The following ADGRV1 variants were observed in gnomAD, a reference collection of about 807,000 sequenced individuals.
ADGRV1 encodes adhesion G protein-coupled receptor V1, also known as G-protein coupled receptor 98.
A neutral mutation model predicts 596.2 loss-of-function variants in ADGRV1; 359 were observed. The observed-to-expected ratio is 0.60, with a 90% confidence interval of 0.55 to 0.66. The LOEUF is 0.66. ADGRV1 is among the 30% of genes least tolerant of loss of function. ADGRV1 has a pLI of 0.00. For missense variants in ADGRV1, 7,274 were observed against 7,575.6 expected, an observed-to-expected ratio of 0.96 and a Z score of 1.48; for synonymous variants, 2,681 against 2,679.2, an observed-to-expected ratio of 1.00 and a Z score of -0.02.
chr5:90,809,094 C>T (rs1453022433), intron 73 of ADGRV1, among the ~76,000 whole-genome samples: 4 of 151,546 alleles, frequency 2.6e-5, no homozygotes, highest in African/African-American at 7.3e-5. Context: ...GTAGTTGGGA[C>T]GACAGGCACC....
chr5:90,998,328 T>A (rs546847835), intron 85 of ADGRV1, among the ~76,000 whole-genome samples: 2 of 151,742 alleles, frequency 1.3e-5, no homozygotes, highest in African/African-American at 4.8e-5. Flanking sequence ...TAAGCATTAT[T>A]TTTTTTTACA....
intron 83 of ADGRV1, among the ~76,000 whole-genome samples, chr5:90,893,706 G>A (rs1273161132): frequency 6.6e-6 from 1 of 152,100 alleles, no homozygotes; most frequent in Non-Finnish European, 1.5e-5. Context: ...CATCTTTATA[G>A]GTTAAACCTT....
At chr5:90,911,527 A>G (rs985176589) in intron 83 of ADGRV1, among the ~76,000 whole-genome samples, 1 of 152,246 alleles carries the variant, frequency 6.6e-6, no homozygotes, top group African/African-American at 2.4e-5. Context: ...TGTTTTACAT[A>G]CAGGTTTACC....
At chr5:90,927,391 G>A (rs1234142143) in intron 83 of ADGRV1, among the ~76,000 whole-genome samples, 2 of 152,090 alleles carry the variant, frequency 1.3e-5, no homozygotes, top group Non-Finnish European at 2.9e-5. Flanking sequence ...TTATGTAATG[G>A]CATTCTTTGT....
At position 90,681,443 on chromosome 5, in the gene ADGRV1, G is replaced by A; in HGVS notation, c.5653G>A (p.Val1885Ile). The A allele has an allele frequency of 1.2e-6, 2 of 1,610,222 alleles. No homozygotes were observed. The highest frequency in any genetic ancestry group is 1.7e-6 in the Non-Finnish European group (2 of 1,178,104). The change falls in exon 27 of 90, where the codon GTT (valine) becomes ATT (isoleucine). Residue 1885 changes from valine to isoleucine, a missense_variant. Val to Ile is a conservative substitution (Grantham distance 29, BLOSUM62 3). Coordinates refer to ENST00000405460, the MANE Select transcript of ADGRV1 (RefSeq NM_032119.4). ...TGAACCAGAAGATGGGTATAGCACT[G>A]TTACATTAAATGTGAGTACCTTTTC... ...GTEPEDGYST[V>I]TLNVIRHHGT...
chr5:90,683,870 GA>G lies in ADGRV1; in HGVS notation c.5954del (p.Asn1985ThrfsTer17). The G allele has an allele frequency of 6.2e-7, 1 of 1,613,320 alleles. No homozygotes were observed. ...CATATGGGATATTCATTTTTTCTGA[GA>G]AAAACAGACCTGTTAAAGTTGAGGA... is the stretch of plus-strand genomic sequence containing the variant. ...DPYGIFIFSE[K>X]NRPVKVEEAT... On this transcript the variant is annotated frameshift_variant, in exon 28 of 90. Transcript: ENST00000405460. LOFTEE classifies it high-confidence loss of function.
intron 1 of ADGRV1, among the ~76,000 whole-genome samples, chr5:90,565,991 C>A (rs1301198076): frequency 6.6e-6 from 1 of 151,858 alleles, no homozygotes; most frequent in Non-Finnish European, 1.5e-5. Flanking sequence ...GGTTTTTTGC[C>A]CATTTTAAAA....
At chr5:90,747,346 C>T (rs913369967) in intron 52 of ADGRV1, among the ~76,000 whole-genome samples, 1 of 152,050 alleles carries the variant, frequency 6.6e-6, no homozygotes, top group Non-Finnish European at 1.5e-5. Context: ...TCAGGGATCC[C>T]CATGACCACC....
intron 83 of ADGRV1, among the ~76,000 whole-genome samples, chr5:90,907,040 C>T (rs1017216554): frequency 2.6e-5 from 4 of 152,212 alleles, no homozygotes; most frequent in East Asian, 1.9e-4. Context: ...CTTAATTGCC[C>T]ATCTTTTCCA....
chr5:91,041,823 T>C (rs1242815222), intron 85 of ADGRV1, among the ~76,000 whole-genome samples: 1 of 152,112 alleles, frequency 6.6e-6, no homozygotes, highest in Non-Finnish European at 1.5e-5. Context: ...CATATCATCT[T>C]GAGACTCAAT....
At chr5:90,750,892 A>G (rs933714527) in intron 53 of ADGRV1, among the ~76,000 whole-genome samples, 195 bp downstream of exon 53, 12 of 152,192 alleles carry the variant, frequency 7.9e-5, no homozygotes, top group South Asian at 2.1e-4. Flanking sequence ...TTAAAAAAAT[A>G]TAAAACCAAA....
rs776299842 is a variant in ADGRV1 at position 90,675,227 on chromosome 5, C to T, written c.5111-16C>T. On this transcript the variant is annotated splice_polypyrimidine_tract_variant and intron_variant, in intron 23 of 89. Coordinates refer to ENST00000405460, the MANE Select transcript of ADGRV1 (RefSeq NM_032119.4). ...AGTTCATTGGGACAATGCCCTGGCC[C>T]CTTTGTCTCCACTAGGCTTGCTGCA... 1 of 1,608,200 alleles carries T rather than the reference C, an allele frequency of 6.2e-7. No individual in the cohort carries two copies. The highest frequency in any genetic ancestry group is 1.1e-5 in the South Asian group (1 of 90,512).
At chr5:91,052,653 C>G (rs1461282867) in intron 85 of ADGRV1, among the ~76,000 whole-genome samples, 1 of 151,990 alleles carries the variant, frequency 6.6e-6, no homozygotes, top group African/African-American at 2.4e-5. Context: ...AGGCTGGTCT[C>G]GAATTCCTGA....
At chr5:90,904,130 T>G (rs1214793281) in intron 83 of ADGRV1, among the ~76,000 whole-genome samples, 1 of 152,148 alleles carries the variant, frequency 6.6e-6, no homozygotes, top group Non-Finnish European at 1.5e-5. Context: ...CCATTGTGTA[T>G]GTGTACCACA....
chr5:90,697,151 G>T lies in ADGRV1; in HGVS notation c.8155+5G>T. 3.1e-6 allele frequency: 5 copies of T among 1,608,154 alleles called. No homozygotes were observed. Among genetic ancestry groups the T allele is most frequent in the Non-Finnish European group, 3.4e-6 (4 of 1,176,320 alleles). Reference sequence around the variant, plus strand: ...GATCTGTCATAGGTCATGAAGGTGGGTTCCTTTTTTTGTTAAGCATATTCA... The same window carrying T: ...GATCTGTCATAGGTCATGAAGGTGGTTTCCTTTTTTTGTTAAGCATATTCA... On this transcript the variant is annotated splice_donor_5th_base_variant and intron_variant, in intron 34 of 89. Transcript: ENST00000405460.
chr5:90,882,441 G>C (rs906103280), intron 83 of ADGRV1, among the ~76,000 whole-genome samples: 3 of 152,188 alleles, frequency 2.0e-5, no homozygotes, highest in Admixed American at 2.0e-4. Context: ...TACTGATGGA[G>C]CTGTAAATCT....
chr5:90,792,113 T>TG (rs1000294662), intron 70 of ADGRV1: 1 of 152,202 alleles, frequency 6.6e-6, no homozygotes, highest in Non-Finnish European at 1.5e-5. Context: ...GTAGACAGAT[T>TG]GGTGTCATCT....
At chr5:90,801,144 T>C (rs1457567233) in intron 70 of ADGRV1, among the ~76,000 whole-genome samples, 1 of 152,182 alleles carries the variant, frequency 6.6e-6, no homozygotes, top group Non-Finnish European at 1.5e-5. Context: ...ATTACGGAAA[T>C]GGAAGAGCGT....
Position 90,725,657 on chromosome 5 carries a change from G to C in ADGRV1, c.10161+1G>C. The C allele has an allele frequency of 7.0e-7, 1 of 1,420,652 alleles. No homozygotes were observed. The highest frequency in any genetic ancestry group is 9.8e-7 in the Non-Finnish European group (1 of 1,020,900). 88.0% of individuals were successfully genotyped at this position (1,420,652 alleles called of 1,614,324 possible). A position where few individuals can be genotyped will look rare whatever the true frequency, so the allele number is the denominator to read the frequency against. ...AAGAGATGATTCCGAATTAACTCAG[G>C]TTTGATTCTTTTAAAATGAAGTGGG... On this transcript the variant is annotated splice_donor_variant, in intron 48 of 89. Transcript: ENST00000405460. LOFTEE classifies it high-confidence loss of function.
Sources: gnomAD v4.1 joint callset for allele counts (sites outside exome capture counted in the v4.1 genomes callset) on GRCh38, gnomAD v4.1.1 for gene constraint, MANE v1.5 for transcripts, NCBI Gene and HGNC (gene_info 2026-07-23, HGNC 2026-07-21) for gene names.